Variants in NAV2 observed in about 807,000 individuals in gnomAD.
The protein encoded by NAV2 is helicase, APC down-regulated 1.
A neutral mutation model predicts 223.2 loss-of-function variants in NAV2; 54 were observed. That is an observed-to-expected ratio of 0.24 (90% confidence interval 0.19 to 0.30). The LOEUF (loss-of-function observed/expected upper bound fraction) is 0.30, where lower values mean the gene tolerates loss of function less well. Ranked by LOEUF, NAV2 falls within the 10% of genes least tolerant of loss-of-function variation. The pLI is 1.00. For synonymous variants in NAV2, 1,279 were observed against 1,239.3 expected (o/e 1.03, Z -0.67); for missense variants, 2,806 against 3,147.5 (o/e 0.89, Z 2.60).
rs939477943 is a variant in NAV2 at position 20,119,582 on chromosome 11, G to A, written c.*1324G>A. On this transcript the variant is annotated 3_prime_UTR_variant, in exon 38 of 38. Coordinates refer to ENST00000349880, the MANE Select transcript of NAV2 (RefSeq NM_145117.5). ...TCCCTCCCAGAAGCCCCGTCTGGAC[G>A]AGCCTTGCCTGACCTCTTCGGTGCT... The A allele has an allele frequency of 3.3e-5, 5 of 152,664 alleles. No individual in the cohort carries two copies. Among genetic ancestry groups the A allele is most frequent in the South Asian group, 2.1e-4 (1 of 4,832 alleles). 9.5% of individuals were successfully genotyped at this position (152,664 alleles called of 1,614,324 possible).
At chr11:19,830,182 G>A (rs775219640) in intron 1 of NAV2, among the ~76,000 whole-genome samples, 19 of 152,160 alleles carry the variant, frequency 1.2e-4, no homozygotes, top group Non-Finnish European at 2.2e-4. Context: ...CCGAGATCAC[G>A]CCACTGCACT....
At chr11:19,352,725 T>C (rs1853395925) in intron 1 of NAV2, among the ~76,000 whole-genome samples, 1 of 152,250 alleles carries the variant, frequency 6.6e-6, no homozygotes, top group Non-Finnish European at 1.5e-5. Flanking sequence ...TAACAGAGTA[T>C]TACATTTCAT....
At chr11:19,423,610 T>C (rs1416718163) in intron 1 of NAV2, among the ~76,000 whole-genome samples, 1 of 152,238 alleles carries the variant, frequency 6.6e-6, no homozygotes, top group African/African-American at 2.4e-5. Flanking sequence ...ATTGAGCTCT[T>C]GACATTCCTC....
At chr11:19,365,843 T>A (rs78011052) in intron 1 of NAV2, among the ~76,000 whole-genome samples, 2,350 of 152,340 alleles carry the variant, frequency 0.015, 72 homozygotes, top group African/African-American at 0.054. Flanking sequence ...GATTAAATAG[T>A]TTGTTCATAA....
chr11:19,768,148 T>C (rs1259839282), intron 1 of NAV2, among the ~76,000 whole-genome samples: 1 of 152,238 alleles, frequency 6.6e-6, no homozygotes, highest in African/African-American at 2.4e-5. Flanking sequence ...ATGGGCGTCC[T>C]GCACGCACGT....
chr11:19,747,489 C>T (rs4757011), intron 1 of NAV2, among the ~76,000 whole-genome samples: 148,888 of 152,260 alleles, frequency 0.98, 72,880 homozygotes, highest in East Asian at 1. Flanking sequence ...ATTCATTACA[C>T]ATTGTCAACA....
At chr11:20,010,404 G>C (rs907258299) in intron 11 of NAV2, among the ~76,000 whole-genome samples, 2 of 152,194 alleles carry the variant, frequency 1.3e-5, no homozygotes, top group Non-Finnish European at 2.9e-5. Flanking sequence ...TGCGTCTGCT[G>C]TGCAAATAGG....
chr11:19,526,032 T>C (rs2043833694), intron 1 of NAV2, among the ~76,000 whole-genome samples: 1 of 152,134 alleles, frequency 6.6e-6, no homozygotes, highest in African/African-American at 2.4e-5. Flanking sequence ...TTGTGAAATG[T>C]TGCCCCAGAA....
chr11:20,033,539 A>C (rs1423938447), intron 11 of NAV2, among the ~76,000 whole-genome samples: 1 of 152,216 alleles, frequency 6.6e-6, no homozygotes, highest in East Asian at 1.9e-4. Flanking sequence ...TGAAGTGTGC[A>C]GAGTTCCAGA....
chr11:19,688,018 G>A lies in NAV2; in HGVS notation c.76-144466G>A, dbSNP rs540333425. 2.0e-5 allele frequency among the ~76,000 whole-genome samples: 3 copies of A among 152,304 alleles called. No individual in the cohort carries two copies. The East Asian group carries it at 5.8e-4, about 29-fold the overall frequency. On this transcript the variant is annotated intron_variant, in intron 1 of 37. Transcript: ENST00000360655. ...CTACAGACTCTAGCACTGCAATCAT[G>A]CCTGCTAGGGGATCTGTCTTCTGGT...
chr11:20,121,434 C>T lies in NAV2; in HGVS notation c.*3176C>T, dbSNP rs1349892045. 1 of 152,528 alleles carries T rather than the reference C, an allele frequency of 6.6e-6. No individual in the cohort carries two copies. The highest frequency in any genetic ancestry group is 2.4e-5 in the African/African-American group (1 of 41,394). The allele number at this position is 152,528 out of a possible 1,614,324, so 9.4% of individuals were successfully genotyped here. ...CCATCCTCCCTCCCCTTCCTCCTCC[C>T]CTCCTCTCTCTCTCTTCCTACCTAT... On this transcript the variant is annotated 3_prime_UTR_variant, in exon 38 of 38. Coordinates refer to ENST00000349880, the MANE Select transcript of NAV2 (RefSeq NM_145117.5).
At chr11:19,896,149 A>G (rs934840849) in intron 6 of NAV2, among the ~76,000 whole-genome samples, 1 of 152,120 alleles carries the variant, frequency 6.6e-6, no homozygotes, top group Non-Finnish European at 1.5e-5. Context: ...AGGTGAGCCA[A>G]TTCATAGACT....
At chr11:19,525,154 T>C (rs1249212941) in intron 1 of NAV2, among the ~76,000 whole-genome samples, 1 of 152,212 alleles carries the variant, frequency 6.6e-6, no homozygotes, top group Non-Finnish European at 1.5e-5. Flanking sequence ...TGGAGTTCAT[T>C]AGAGCTAGAA....
intron 1 of NAV2, among the ~76,000 whole-genome samples, chr11:19,351,443 T>C (rs1853307115): frequency 6.6e-6 from 1 of 152,204 alleles, no homozygotes; most frequent in South Asian, 2.1e-4. Context: ...GTCTGGCTCT[T>C]GTGTTTATGG....
rs1324718764 is a variant in NAV2 at position 20,017,498 on chromosome 11, ACT to A, written c.2769-18456_2769-18455del. Among the ~76,000 whole-genome samples, 15 of 151,822 alleles carry A rather than the reference ACT, an allele frequency of 9.9e-5. No individual in the cohort carries two copies. In the East Asian group the frequency reaches 2.7e-3, roughly 28 times the overall value. On this transcript the variant is annotated intron_variant, in intron 11 of 37. Transcript: ENST00000349880. Reference sequence around the variant, plus strand: ...ATTTAAAGTAAGTGCTTCCTGTGTGACTCTCTTTCACAGCACCCTGTTTATTT... The same window carrying A: ...ATTTAAAGTAAGTGCTTCCTGTGTGACTCTTTCACAGCACCCTGTTTATTT...
chr11:20,097,190 A>G (rs542071438), intron 30 of NAV2, among the ~76,000 whole-genome samples: 24 of 152,340 alleles, frequency 1.6e-4, no homozygotes, highest in Non-Finnish European at 2.6e-4. Flanking sequence ...GGGATGGAAG[A>G]GAGATTTCCT....
chr11:19,934,828 G>GT (rs11421273), intron 7 of NAV2, among the ~76,000 whole-genome samples: 150,186 of 152,112 alleles, frequency 0.99, 74,166 homozygotes, highest in Middle Eastern at 1. Context: ...GGAGGGGCTG[G>GT]TCTAGAAGAA....
At chr11:20,067,264 G>C (rs1471205306) in intron 20 of NAV2, among the ~76,000 whole-genome samples, 2 of 152,098 alleles carry the variant, frequency 1.3e-5, no homozygotes, top group African/African-American at 2.4e-5. Flanking sequence ...CCCTCACTTT[G>C]AGATCTTTCT....
chr11:19,948,683 G>A lies in NAV2; in HGVS notation c.2256-8G>A. 1 of 1,562,786 alleles carries A rather than the reference G, an allele frequency of 6.4e-7. No individual in the cohort carries two copies. The highest frequency in any genetic ancestry group is 8.7e-7 in the Non-Finnish European group (1 of 1,150,072). On this transcript the variant is annotated splice_region_variant and splice_polypyrimidine_tract_variant and intron_variant, in intron 9 of 37. Coordinates refer to ENST00000349880, the MANE Select transcript of NAV2 (RefSeq NM_145117.5). ...CTTTGAGTCTAATCAGGTTGGTTTT[G>A]TTTCTAGCACATTGGAAACCACGTT...
Sources: allele counts gnomAD v4.1 joint callset (sites outside exome capture counted in the v4.1 genomes callset), GRCh38; gene constraint gnomAD v4.1.1; transcripts MANE v1.5; gene names NCBI Gene and HGNC (gene_info 2026-07-23, HGNC 2026-07-21).